The following STRN variants were observed in gnomAD, a reference collection of about 807,000 sequenced individuals.
STRN encodes striatin.
A neutral mutation model predicts 96.3 loss-of-function variants in STRN; 53 were observed. The observed-to-expected ratio is 0.55, with a 90% confidence interval of 0.44 to 0.69. The LOEUF (loss-of-function observed/expected upper bound fraction) is 0.69, where lower values mean the gene tolerates loss of function less well. Ranked by LOEUF, STRN falls within the 30% of genes least tolerant of loss-of-function variation. The pLI, the probability that STRN is intolerant of heterozygous loss-of-function variation, is 0.00. For synonymous variants in STRN, 428 were observed against 355.9 expected, an observed-to-expected ratio of 1.20 and a Z score of -2.28; for missense variants, 987 against 963.9, an observed-to-expected ratio of 1.02 and a Z score of -0.32.
chr2:36,898,577 CAT>C (rs1052703899), intron 6 of STRN, among the ~76,000 whole-genome samples: 2 of 152,302 alleles, frequency 1.3e-5, no homozygotes, highest in African/African-American at 2.4e-5. Context: ...CATTTTCGCA[CAT>C]AGTGTCTCTT....
In STRN at chr2:36,893,780, A is replaced by G. The variant is rs759048489; in HGVS notation, c.931+118T>C. The stretch of plus-strand genomic sequence containing the variant: ...CCCTGGATAAAGGGTGCTAGTAGTA[A>G]TAAGTTCACAGAATGCTCAATATTT... On this transcript the variant is annotated intron_variant, in intron 7 of 17. Coordinates refer to ENST00000263918, the MANE Select transcript of STRN (RefSeq NM_003162.4). The G allele has an allele frequency of 7.1e-6, 9 of 1,271,386 alleles. 1 individual carries two copies. The South Asian group carries it at 1.2e-4, about 16-fold the overall frequency. The allele number at this position is 1,271,386 out of a possible 1,614,324, so 78.8% of individuals were successfully genotyped here. A position where few individuals can be genotyped will look rare whatever the true frequency, so the allele number is the denominator to read the frequency against.
chr2:36,854,386 A>C (rs1668293241), intron 15 of STRN, among the ~76,000 whole-genome samples: 1 of 152,162 alleles, frequency 6.6e-6, no homozygotes, highest in Non-Finnish European at 1.5e-5. Context: ...ATTCATGCTT[A>C]CTTCCCCAAA....
intron 12 of STRN, among the ~76,000 whole-genome samples, chr2:36,864,831 G>C (rs1668581273): frequency 6.6e-6 from 1 of 152,240 alleles, no homozygotes; most frequent in South Asian, 2.1e-4. Context: ...TCCTGCCTCA[G>C]CCTCCCAAGT....
At chr2:36,878,736 T>G (rs1211601258) in intron 9 of STRN, among the ~76,000 whole-genome samples, 1 of 152,102 alleles carries the variant, frequency 6.6e-6, no homozygotes, top group Non-Finnish European at 1.5e-5. Context: ...AAATTTTTTT[T>G]TATTTTTTAT....
At chr2:36,900,939 G>A (rs1382238540) in intron 5 of STRN, among the ~76,000 whole-genome samples, 1 of 151,146 alleles carries the variant, frequency 6.6e-6, no homozygotes, top group Non-Finnish European at 1.5e-5. Context: ...AGATTCCAAT[G>A]GCCAGAACAG....
chr2:36,933,889 C>G (rs983533625), intron 1 of STRN, among the ~76,000 whole-genome samples: 1 of 152,184 alleles, frequency 6.6e-6, no homozygotes, highest in South Asian at 2.1e-4. Context: ...GCAGGTGGAT[C>G]ACCCGAGGTC....
At chr2:36,861,922 TC>T (rs1668497221) in intron 12 of STRN, among the ~76,000 whole-genome samples, 1 of 152,146 alleles carries the variant, frequency 6.6e-6, no homozygotes, top group African/African-American at 2.4e-5. Context: ...CTCACCCTCT[TC>T]CCACCCTTCA....
At chr2:36,915,398 A>G (rs1343691236) in intron 3 of STRN, among the ~76,000 whole-genome samples, 1 of 151,176 alleles carries the variant, frequency 6.6e-6, no homozygotes, top group Non-Finnish European at 1.5e-5. Flanking sequence ...AACATGGTTG[A>G]TAACTTTTGA....
chr2:36,863,143 C>T (rs1422289534), intron 12 of STRN, among the ~76,000 whole-genome samples: 1 of 151,798 alleles, frequency 6.6e-6, no homozygotes, highest in African/African-American at 2.4e-5. Context: ...CGCTGTTGAT[C>T]GTTCTAATGT....
At chr2:36,899,681 T>C in intron 5 of STRN, 23 bp from the exon 6 acceptor site, 1 of 1,559,456 alleles carries the variant, frequency 6.4e-7, no homozygotes. Context: ...ATGTATATCC[T>C]GCTTAGTTAA....
intron 1 of STRN, among the ~76,000 whole-genome samples, chr2:36,950,140 A>T (rs1664716590): frequency 6.6e-6 from 1 of 151,054 alleles, no homozygotes; most frequent in Non-Finnish European, 1.5e-5. Flanking sequence ...GAGGGACAGG[A>T]TGGCAATACT....
chr2:36,889,804 A>C (rs904624047), intron 7 of STRN, among the ~76,000 whole-genome samples: 3 of 152,214 alleles, frequency 2.0e-5, no homozygotes, highest in African/African-American at 7.2e-5. Context: ...AACCTCCAGG[A>C]AACCGAAAGA....
chr2:36,928,820 G>A (rs1382955438), intron 1 of STRN, among the ~76,000 whole-genome samples: 47 of 150,830 alleles, frequency 3.1e-4, no homozygotes, highest in African/African-American at 1.0e-3. Flanking sequence ...GTGGTGGCAG[G>A]TGCCTGTAAT....
intron 14 of STRN, among the ~76,000 whole-genome samples, chr2:36,855,605 G>A (rs945765814): frequency 6.6e-6 from 1 of 152,140 alleles, no homozygotes; most frequent in African/African-American, 2.4e-5. Context: ...TGGAATGCAA[G>A]CCTTTATTTA....
chr2:36,884,757 G>C (rs1285031916), intron 8 of STRN, among the ~76,000 whole-genome samples: 2 of 151,884 alleles, frequency 1.3e-5, no homozygotes, highest in Non-Finnish European at 2.9e-5. Flanking sequence ...TACAGGATTT[G>C]ACTGGAAATA....
intron 12 of STRN, among the ~76,000 whole-genome samples, chr2:36,865,615 G>A (rs1251856943): frequency 6.6e-6 from 1 of 152,046 alleles, no homozygotes; most frequent in East Asian, 1.9e-4. Flanking sequence ...AGGTTGGAGT[G>A]CAGTGGTGGC....
intron 6 of STRN, 45 bp from the exon 7 acceptor site, chr2:36,894,078 T>A: frequency 1.3e-6 from 2 of 1,581,226 alleles, no homozygotes; most frequent in Non-Finnish European, 1.7e-6. Flanking sequence ...ATAGTTTCCC[T>A]TTACCACTGA....
At chr2:36,870,549 G>C (rs917789508) in intron 10 of STRN, among the ~76,000 whole-genome samples, 2 of 152,100 alleles carry the variant, frequency 1.3e-5, no homozygotes, top group African/African-American at 4.8e-5. Flanking sequence ...AATTCCTATA[G>C]TAACATCATA....
rs1407987304 is a variant in STRN at position 36,849,323 on chromosome 2, T to C, written c.*133A>G. The C allele has an allele frequency of 3.7e-6, 4 of 1,090,020 alleles. No homozygotes were observed. In the Admixed American group the frequency reaches 8.0e-5, roughly 22 times the overall value. The allele number at this position is 1,090,020 out of a possible 1,614,324, so 67.5% of individuals were successfully genotyped here. ...AGTATATGAATTGCAAAACTATACTTCAACAAATGTTCTCTGTGCTCCTTC... is the reference window on the plus strand; with the variant it reads ...AGTATATGAATTGCAAAACTATACTCCAACAAATGTTCTCTGTGCTCCTTC... On this transcript the variant is annotated 3_prime_UTR_variant, in exon 18 of 18. Coordinates refer to ENST00000263918, the MANE Select transcript of STRN (RefSeq NM_003162.4).
Sources: gnomAD v4.1 joint callset for allele counts (sites outside exome capture counted in the v4.1 genomes callset) on GRCh38, gnomAD v4.1.1 for gene constraint, MANE v1.5 for transcripts, NCBI Gene and HGNC (gene_info 2026-07-23, HGNC 2026-07-21) for gene names.